The following TNRC6B variants were observed in gnomAD, a reference collection of about 807,000 sequenced individuals.
The protein encoded by TNRC6B is trinucleotide repeat-containing gene 6B protein.
A neutral mutation model predicts 203.6 loss-of-function variants in TNRC6B; 52 were observed. The observed-to-expected ratio is 0.26, with a 90% CI of 0.20 to 0.32. The LOEUF is 0.32. Among genes scored for constraint, TNRC6B ranks in the 10% least tolerant of loss-of-function variants. The pLI is 1.00. For missense variants in TNRC6B, 1,923 were observed against 2,286.2 expected (o/e 0.84, Z 3.24); for synonymous variants, 838 against 845.7 (o/e 0.99, Z 0.16).
In TNRC6B at chr22:40,265,534, A is replaced by T. The variant is rs2070465488; in HGVS notation, c.1304A>T (p.Asp435Val). The T allele has an allele frequency of 1.2e-6, 2 of 1,613,814 alleles. No individual in the cohort carries two copies. Among genetic ancestry groups the T allele is most frequent in the Non-Finnish European group, 1.7e-6 (2 of 1,179,878 alleles). ...GCAGCTAGGGGGCCTTCTGGAACTGACACAGTCTCTGGACAAAGCAATTCT... is the reference window on the plus strand; with the variant it reads ...GCAGCTAGGGGGCCTTCTGGAACTGTCACAGTCTCTGGACAAAGCAATTCT... The part of the protein sequence containing the change: ...WGAARGPSGT[D>V]TVSGQSNSGN... The change falls in exon 5 of 23, where the codon GAC becomes GTC. Residue 435 changes from aspartate (D) to valine (V), a missense_variant. Transcript: ENST00000454349.
At position 40,163,249 on chromosome 22, in the gene TNRC6B, AT is replaced by A. The variant is rs528253617; in HGVS notation, c.113+7068del. Among the ~76,000 whole-genome samples the A allele has an allele frequency of 1.8e-4, 27 of 151,264 alleles. 1 individual carries two copies. The East Asian group carries it at 4.9e-3, about 27-fold the overall frequency. ...GGCAACATGGCCAAACCTCATCTCT[AT>A]AAAAAATGGAAAAATTAGCTGAGCG... On this transcript the variant is annotated intron_variant, in intron 4 of 23. Transcript: ENST00000301923.
intron 4 of TNRC6B, among the ~76,000 whole-genome samples, chr22:40,169,632 G>A (rs993228383): frequency 1.3e-5 from 2 of 152,032 alleles, no homozygotes; most frequent in Non-Finnish European, 2.9e-5. Context: ...GTGGCTTTCC[G>A]ACTTTTCTTC....
At chr22:40,271,833 G>A (rs1027153018) in intron 6 of TNRC6B, among the ~76,000 whole-genome samples, 3 of 152,172 alleles carry the variant, frequency 2.0e-5, no homozygotes, top group Non-Finnish European at 1.5e-5. Context: ...TGTAATGTGC[G>A]GAAGAAAGGG....
intron 21 of TNRC6B, 30 bp from the exon 22 acceptor site, chr22:40,321,060 C>G (rs1234794302): frequency 6.2e-7 from 1 of 1,612,150 alleles, no homozygotes; most frequent in Non-Finnish European, 8.5e-7. Context: ...CACCTCCAGT[C>G]TTTATCTCAT....
intron 6 of TNRC6B, among the ~76,000 whole-genome samples, chr22:40,270,756 T>C (rs1245950658): frequency 6.6e-6 from 1 of 152,230 alleles, no homozygotes; most frequent in East Asian, 1.9e-4. Flanking sequence ...CAAACGGTTG[T>C]GGCTTGGCTT....
At chr22:40,208,752 T>C (rs1204639141) in intron 1 of TNRC6B, among the ~76,000 whole-genome samples, 2 of 152,180 alleles carry the variant, frequency 1.3e-5, no homozygotes, top group Admixed American at 1.3e-4. Context: ...TCTCCAGAAG[T>C]TTTATTATTT....
At chr22:40,047,830 C>T (rs912946373) in intron 1 of TNRC6B, among the ~76,000 whole-genome samples, 5 of 152,190 alleles carry the variant, frequency 3.3e-5, no homozygotes, top group African/African-American at 1.2e-4. Context: ...GGGACTGTTA[C>T]TCATTTTTCT....
At chr22:40,147,170 T>C (rs537610877) in intron 3 of TNRC6B, among the ~76,000 whole-genome samples, 1 of 141,590 alleles carries the variant, frequency 7.1e-6, no homozygotes, top group Admixed American at 6.7e-5. Flanking sequence ...ATTGAAGACA[T>C]ATGCTAAGTG....
chr22:40,164,366 C>T (rs867126023), intron 4 of TNRC6B, among the ~76,000 whole-genome samples: 6 of 124,836 alleles, frequency 4.8e-5, no homozygotes, highest in East Asian at 4.5e-4. Context: ...CCAGCCTGGG[C>T]GACAGAGTGA....
intron 14 of TNRC6B, 68 bp downstream of exon 14, chr22:40,301,073 G>A: frequency 6.4e-7 from 1 of 1,568,436 alleles, no homozygotes; most frequent in Non-Finnish European, 8.6e-7. Context: ...GCCTCTGATG[G>A]CAAAGAACCG....
chr22:40,166,312 CT>C (rs1322436142), intron 4 of TNRC6B, among the ~76,000 whole-genome samples: 1 of 151,918 alleles, frequency 6.6e-6, no homozygotes, highest in Non-Finnish European at 1.5e-5. Flanking sequence ...AAAATGGCAA[CT>C]TAAAAAAATT....
intron 4 of TNRC6B, among the ~76,000 whole-genome samples, chr22:40,262,793 A>T (rs1054247730): frequency 6.6e-6 from 1 of 152,130 alleles, no homozygotes; most frequent in African/African-American, 2.4e-5. Context: ...TAATCCCAGC[A>T]CTTTGGGAGG....
At chr22:40,197,841 G>A (rs1027359647) in intron 1 of TNRC6B, among the ~76,000 whole-genome samples, 1 of 150,750 alleles carries the variant, frequency 6.6e-6, no homozygotes, top group African/African-American at 2.4e-5. Context: ...TGAACTCCTG[G>A]GCTCAAGTGA....
intron 16 of TNRC6B, 42 bp downstream of exon 16, chr22:40,308,691 G>A (rs2071129051): frequency 1.9e-6 from 3 of 1,566,198 alleles, no homozygotes; most frequent in African/African-American, 2.7e-5. Flanking sequence ...ACCCACAGCA[G>A]GTCTTGATGA....
At chr22:40,300,372 A>G (rs573308283) in intron 12 of TNRC6B, 83 bp from the exon 13 acceptor site, 13 of 1,342,866 alleles carry the variant, frequency 9.7e-6, no homozygotes, top group Non-Finnish European at 1.2e-5. Context: ...ATTCATCAAG[A>G]TTCTTTTCAC....
chr22:40,297,107 C>T (rs1313560781), intron 12 of TNRC6B, among the ~76,000 whole-genome samples: 1 of 152,184 alleles, frequency 6.6e-6, no homozygotes, highest in African/African-American at 2.4e-5. Context: ...ACATTCCCTT[C>T]ATTGATTGGT....
chr22:40,312,563 C>T lies in TNRC6B; in HGVS notation c.4494C>T (p.Pro1498=), dbSNP rs371373440. 5.3e-5 allele frequency: 86 copies of T among 1,614,054 alleles called. No homozygotes were observed. The East Asian group carries it at 7.4e-4, about 14-fold the overall frequency. ...AAAACATTGACCCTGAATCTGACCC[C>T]TATGTCACCCCAGGAAGTGTGCTGG... is the stretch of plus-strand genomic sequence containing the variant. ...GIQNIDPESD[P]YVTPGSVLGG... is the part of the protein sequence containing the mutation. Residue 1498 remains proline, a synonymous_variant, in exon 18 of 23, where the codon CCC becomes CCT. Coordinates refer to ENST00000454349, the MANE Select transcript of TNRC6B (RefSeq NM_001162501.2).
chr22:40,202,490 G>T (rs907693388), intron 1 of TNRC6B, among the ~76,000 whole-genome samples: 1 of 152,092 alleles, frequency 6.6e-6, no homozygotes, highest in African/African-American at 2.4e-5. Flanking sequence ...GACAGGAGAT[G>T]TGCTTGAAAA....
In TNRC6B at chr22:40,251,215, T is replaced by C; in HGVS notation, c.115+15T>C. 1 of 1,524,836 alleles carries C rather than the reference T, an allele frequency of 6.6e-7. No individual in the cohort carries two copies. Among genetic ancestry groups the C allele is most frequent in the Non-Finnish European group, 8.8e-7 (1 of 1,130,562 alleles). The allele number at this position is 1,524,836 out of a possible 1,614,324, so 94.5% of individuals were successfully genotyped here. A position where few individuals can be genotyped will look rare whatever the true frequency, so the allele number is the denominator to read the frequency against. On this transcript the variant is annotated intron_variant, in intron 3 of 22. Transcript: ENST00000454349. ...AAAAACCAAAGGTAAGATCTTTTTT[T>C]TCTTTTTAAATTATTTAGAACCTTT...
Sources: gnomAD v4.1 joint callset for allele counts (sites outside exome capture counted in the v4.1 genomes callset) on GRCh38, gnomAD v4.1.1 for gene constraint, MANE v1.5 for transcripts, NCBI Gene and HGNC (gene_info 2026-07-23, HGNC 2026-07-21) for gene names.